GRID2: variants seen among roughly 807,000 people sequenced by gnomAD.
GRID2 encodes the protein glutamate receptor ionotropic, delta-2.
Under a neutral mutation model 114.8 loss-of-function variants are expected in GRID2, and 33 were observed. That is an observed-to-expected ratio of 0.29 (90% confidence interval 0.22 to 0.38). GRID2 has a LOEUF of 0.38. GRID2 is among the 10% of genes least tolerant of loss of function. The pLI, the probability that GRID2 is intolerant of heterozygous loss-of-function variation, is 1.00. For missense variants in GRID2, 1,184 were observed against 1,257.7 expected (o/e 0.94, Z 0.89); for synonymous variants, 505 against 449.9 (o/e 1.12, Z -1.55).
chr4:92,749,913 G>A (rs573758608), intron 2 of GRID2, among the ~76,000 whole-genome samples: 1 of 152,238 alleles, frequency 6.6e-6, no homozygotes, highest in South Asian at 2.1e-4. Flanking sequence ...CCAGGCTGGA[G>A]TGCAATGGTG....
intron 2 of GRID2, among the ~76,000 whole-genome samples, chr4:92,917,061 G>T (rs1225492797): frequency 6.6e-6 from 1 of 152,164 alleles, no homozygotes; most frequent in Non-Finnish European, 1.5e-5. Context: ...CATTCTAACT[G>T]GTGTGAGATG....
At chr4:92,688,492 G>A (rs1052694911) in intron 2 of GRID2, among the ~76,000 whole-genome samples, 2 of 152,076 alleles carry the variant, frequency 1.3e-5, no homozygotes, top group South Asian at 4.1e-4. Context: ...TAAATTCTTT[G>A]TTGTCATTTA....
intron 2 of GRID2, among the ~76,000 whole-genome samples, chr4:93,015,646 G>GT (rs1371439089): frequency 6.6e-6 from 1 of 152,068 alleles, no homozygotes; most frequent in Non-Finnish European, 1.5e-5. Flanking sequence ...GTGCTATTAT[G>GT]AATTTTCATC....
chr4:92,619,217 T>C (rs1048057837), intron 2 of GRID2, among the ~76,000 whole-genome samples: 2 of 151,728 alleles, frequency 1.3e-5, no homozygotes, highest in African/African-American at 4.8e-5. Flanking sequence ...AGGCACTATG[T>C]TGGCATGCCT....
chr4:92,521,518 ATTGTCCTTATCTCTG>A (rs1724777131), intron 1 of GRID2, among the ~76,000 whole-genome samples: 1 of 151,990 alleles, frequency 6.6e-6, no homozygotes, highest in Non-Finnish European at 1.5e-5. Context: ...CTGAGCTATT[ATTGTCCTTATCTCTG>A]TTGCATAGAA....
chr4:93,468,369 A>G (rs1199093110), intron 11 of GRID2, among the ~76,000 whole-genome samples: 1 of 88,636 alleles, frequency 1.1e-5, no homozygotes, highest in South Asian at 3.2e-4. Flanking sequence ...TAACAGCCAT[A>G]ATAAATAAAT....
At chr4:93,763,565 C>G (rs1733389470) in intron 14 of GRID2, among the ~76,000 whole-genome samples, 1 of 152,184 alleles carries the variant, frequency 6.6e-6, no homozygotes, top group African/African-American at 2.4e-5. Flanking sequence ...TCTCTGCATA[C>G]TTACATATTA....
chr4:92,566,656 A>G (rs1046438142), intron 1 of GRID2, among the ~76,000 whole-genome samples: 4 of 152,064 alleles, frequency 2.6e-5, no homozygotes, highest in Admixed American at 2.6e-4. Flanking sequence ...AGTGATAACT[A>G]ATTTACACTA....
At chr4:93,455,110 T>C (rs2149411011) in intron 10 of GRID2, among the ~76,000 whole-genome samples, 1 of 152,232 alleles carries the variant, frequency 6.6e-6, no homozygotes, top group South Asian at 2.1e-4. Context: ...ACAATCATAG[T>C]AGTGACCTTA....
intron 12 of GRID2, among the ~76,000 whole-genome samples, chr4:93,492,563 C>A (rs1462874207): frequency 6.6e-6 from 1 of 151,696 alleles, no homozygotes; most frequent in Non-Finnish European, 1.5e-5. Context: ...TCTCCAAATC[C>A]TCAACTGGTC....
chr4:92,743,370 T>G (rs1252184478), intron 2 of GRID2, among the ~76,000 whole-genome samples: 3 of 152,178 alleles, frequency 2.0e-5, no homozygotes, highest in Admixed American at 2.0e-4. Context: ...TTCTTTCATT[T>G]CTGTTGTATA....
At chr4:92,479,273 A>T (rs1722467200) in intron 1 of GRID2, among the ~76,000 whole-genome samples, 1 of 152,168 alleles carries the variant, frequency 6.6e-6, no homozygotes, top group Non-Finnish European at 1.5e-5. Flanking sequence ...TAAGATACAT[A>T]GTCCTCCTTA....
At chr4:93,729,913 A>G (rs543100915) in intron 14 of GRID2, among the ~76,000 whole-genome samples, 5 of 152,292 alleles carry the variant, frequency 3.3e-5, no homozygotes, top group Admixed American at 6.5e-5. Context: ...AATTGTGGAC[A>G]TGCAATTTCC....
At chr4:92,888,729 C>T (rs972574546) in intron 2 of GRID2, among the ~76,000 whole-genome samples, 5 of 151,502 alleles carry the variant, frequency 3.3e-5, no homozygotes, top group African/African-American at 9.7e-5. Context: ...TAATCATTTG[C>T]ATTTTTTAGC....
intron 2 of GRID2, among the ~76,000 whole-genome samples, chr4:92,900,596 C>T (rs1407421603): frequency 2.6e-5 from 4 of 152,054 alleles, no homozygotes; most frequent in Admixed American, 6.6e-5. Flanking sequence ...TTTGGGAGGC[C>T]GAGGCGGGTG....
chr4:92,642,266 TA>T (rs1217565931), intron 2 of GRID2, among the ~76,000 whole-genome samples: 1 of 151,848 alleles, frequency 6.6e-6, no homozygotes, highest in Admixed American at 6.6e-5. Context: ...CCACCAAAAG[TA>T]TGTAAGCATT....
At chr4:92,702,302 G>A (rs1230384304) in intron 2 of GRID2, 1 of 152,142 alleles carries the variant, frequency 6.6e-6, no homozygotes, top group Non-Finnish European at 1.5e-5. Context: ...TGCATAAAAT[G>A]TAAAACTTTA....
chr4:93,571,891 T>C (rs1366171693), intron 13 of GRID2, among the ~76,000 whole-genome samples: 1 of 152,114 alleles, frequency 6.6e-6, no homozygotes, highest in East Asian at 1.9e-4. Flanking sequence ...TCCCCAGCTC[T>C]GTTAACCTTC....
At chr4:92,485,160 C>T (rs1002438920) in intron 1 of GRID2, among the ~76,000 whole-genome samples, 3 of 150,774 alleles carry the variant, frequency 2.0e-5, no homozygotes, top group African/African-American at 7.3e-5. Flanking sequence ...ATGAAGCATC[C>T]TAATCCTGGA....
Sources: allele counts gnomAD v4.1 joint callset (sites outside exome capture counted in the v4.1 genomes callset), GRCh38; gene constraint gnomAD v4.1.1; transcripts MANE v1.5; gene names NCBI Gene and HGNC (gene_info 2026-07-23, HGNC 2026-07-21).